MTF1: variants seen among roughly 807,000 people sequenced by gnomAD.
The protein encoded by MTF1 is MRE-binding transcription factor.
MTF1 carries 22 observed loss-of-function variants against 70.4 expected under a neutral mutation model. The observed-to-expected ratio is 0.31, with a 90% CI of 0.22 to 0.45. MTF1 has a LOEUF of 0.45. MTF1 is among the 20% of genes least tolerant of loss of function. MTF1 has a pLI of 1.00. For synonymous variants in MTF1, 333 were observed against 352.8 expected, an observed-to-expected ratio of 0.94 and a Z score of 0.63; for missense variants, 649 against 922.0, an observed-to-expected ratio of 0.70 and a Z score of 3.83.
chr1:37,839,908 G>A lies in MTF1; in HGVS notation c.647+12C>T. On this transcript the variant is annotated intron_variant, in intron 3 of 10. Coordinates refer to ENST00000373036, the MANE Select transcript of MTF1 (RefSeq NM_005955.3). ...GGTCAGAGGCTGGCAGAGCATTGGA[G>A]ACGAGACTGACCTGTACAGTGTGTT... 2 of 1,602,190 alleles carry A rather than the reference G, an allele frequency of 1.2e-6. No individual in the cohort carries two copies. Among genetic ancestry groups the A allele is most frequent in the South Asian group, 1.1e-5 (1 of 90,832 alleles).
At chr1:37,822,749 A>T (rs1221545344) in intron 8 of MTF1, 33 bp from the exon 9 acceptor site, 1 of 1,495,056 alleles carries the variant, frequency 6.7e-7, no homozygotes, top group Middle Eastern at 1.7e-4. Context: ...ATATATATAC[A>T]TATCCCAAGC....
chr1:37,815,595 T>A lies in MTF1; in HGVS notation c.1832-29A>T. 1.3e-6 allele frequency: 2 copies of A among 1,503,044 alleles called. No homozygotes were observed. The highest frequency in any genetic ancestry group is 1.4e-5 in the South Asian group (1 of 73,902). The allele number at this position is 1,503,044 out of a possible 1,614,324, so 93.1% of individuals were successfully genotyped here. On this transcript the variant is annotated intron_variant, in intron 10 of 10. Transcript: ENST00000373036. The surrounding 1 kb of genome is among the most constrained non-coding windows in gnomAD (Gnocchi z 4.5). ...CGAGAGAGGCAAGAGAGACTGCTCT[T>A]CAAGTAGCTGCAGGGGCAGGAGCAT...
Position 37,838,656 on chromosome 1 carries a change from T to G in MTF1, c.748A>C (p.Ile250Leu). 6.2e-7 allele frequency: 1 copy of G among 1,613,034 alleles called. No homozygotes were observed. Among genetic ancestry groups the G allele is most frequent in the Non-Finnish European group, 8.5e-7 (1 of 1,179,174 alleles). Residue 250 changes from isoleucine to leucine, a missense_variant, in exon 4 of 11, where the codon ATT becomes CTT. Physicochemically the swap from Ile to Leu is conservative, Grantham distance 5. Around this residue, in one of 7 missense-constraint regions of MTF1, gnomAD observed 118 missense variants for 287.2 expected, o/e 0.41. Coordinates refer to ENST00000373036, the MANE Select transcript of MTF1 (RefSeq NM_005955.3). ...FTTLSDLRKHIRTHTGEKPFR... is the reference protein window; with the variant it reads ...FTTLSDLRKHLRTHTGEKPFR... ...GGCTTTTCCCCTGTATGAGTTCGAA[T>G]GTGCTTCCTCAGATCACTGAGTGTG...
In MTF1 at chr1:37,815,150, TGCTGGTGAG is replaced by T; in HGVS notation, c.2239_2247del (p.Leu747_Ser749del). On this transcript the variant is annotated inframe_deletion, in exon 11 of 11. Coordinates refer to ENST00000373036, the MANE Select transcript of MTF1 (RefSeq NM_005955.3). This position sits in a 1 kb window ranked among gnomAD's most constrained non-coding sequence, Gnocchi z 4.5. ...ACATGGGCCCTTCACTTGGAGAAGC[TGCTGGTGAG>T]GCCCATCTCCTCCTCCCCCTGCAGT... 6.2e-7 allele frequency: 1 copy of T among 1,614,100 alleles called. No individual in the cohort carries two copies. The highest frequency in any genetic ancestry group is 8.5e-7 in the Non-Finnish European group (1 of 1,179,986).
chr1:37,823,668 G>A lies in MTF1; in HGVS notation c.1171+42C>T, dbSNP rs374237539. On this transcript the variant is annotated intron_variant, in intron 8 of 10. Transcript: ENST00000373036. ...ATTGTGCCTGTGACTCAGTGTGTCA[G>A]CAAGTGCTTAGATGTGAGTAGAAAG... 28 of 1,421,464 alleles carry A rather than the reference G, an allele frequency of 2.0e-5. No individual in the cohort carries two copies. The African/African-American group carries it at 3.8e-4, about 19-fold the overall frequency. 88.1% of individuals were successfully genotyped at this position (1,421,464 alleles called of 1,614,324 possible). A position where few individuals can be genotyped will look rare whatever the true frequency, so the allele number is the denominator to read the frequency against.
At chr1:37,819,486 G>C (rs773287532) in intron 9 of MTF1, among the ~76,000 whole-genome samples, 2 of 152,016 alleles carry the variant, frequency 1.3e-5, no homozygotes, top group Non-Finnish European at 2.9e-5. Flanking sequence ...CACCCTTTTC[G>C]CTCTAGTATA....
rs1431820058 is a variant in MTF1 at position 37,811,880 on chromosome 1, C to A, written c.*3256G>T. The stretch of plus-strand genomic sequence containing the variant: ...TCTGTCACCAAACTGGTGGTGCCCC[C>A]ATGAGACTGGCCAGACCCTGCCAGC... On this transcript the variant is annotated 3_prime_UTR_variant, in exon 11 of 11. Coordinates refer to ENST00000373036, the MANE Select transcript of MTF1 (RefSeq NM_005955.3). 1 of 152,702 alleles carries A rather than the reference C, an allele frequency of 6.5e-6. No homozygotes were observed. The highest frequency in any genetic ancestry group is 6.5e-5 in the Admixed American group (1 of 15,282). The allele number at this position is 152,702 out of a possible 1,614,324, so 9.5% of individuals were successfully genotyped here.
intron 2 of MTF1, among the ~76,000 whole-genome samples, chr1:37,856,713 T>C (rs1473412177): frequency 6.6e-6 from 1 of 151,512 alleles, no homozygotes; most frequent in Non-Finnish European, 1.5e-5. Flanking sequence ...TTGGCCAGGC[T>C]GCTCTCGAAC....
intron 8 of MTF1, 148 bp downstream of exon 8, chr1:37,823,562 A>G (rs961473137): frequency 1.9e-6 from 1 of 529,120 alleles, no homozygotes; most frequent in Non-Finnish European, 3.4e-6. Flanking sequence ...AGTAGGGGAA[A>G]AGATGGAATT....
At chr1:37,823,672 G>T in intron 8 of MTF1, 38 bp downstream of exon 8, 2 of 1,454,944 alleles carry the variant, frequency 1.4e-6, no homozygotes, top group Non-Finnish European at 1.9e-6. Context: ...GTGTCAGCAA[G>T]TGCTTAGATG....
intron 7 of MTF1, among the ~76,000 whole-genome samples, chr1:37,828,007 T>C (rs1470357193): frequency 6.6e-6 from 1 of 152,186 alleles, no homozygotes; most frequent in Non-Finnish European, 1.5e-5. Context: ...AATATTGGTA[T>C]ATTCATTTAG....
Position 37,823,695 on chromosome 1 carries a change from G to A in MTF1, c.1171+15C>T. 1.3e-6 allele frequency: 2 copies of A among 1,584,160 alleles called. No individual in the cohort carries two copies. The highest frequency in any genetic ancestry group is 1.7e-6 in the Non-Finnish European group (2 of 1,152,834). On this transcript the variant is annotated intron_variant, in intron 8 of 10. Coordinates refer to ENST00000373036, the MANE Select transcript of MTF1 (RefSeq NM_005955.3). ...AAGTGCTTAGATGTGAGTAGAAAGA[G>A]TCCGTGTGACAAACCTGTCTGTTGA... is the stretch of plus-strand genomic sequence containing the variant.
chr1:37,812,907 C>T lies in MTF1; in HGVS notation c.*2229G>A, dbSNP rs28411352. The T allele has an allele frequency of 0.23, 35,435 of 152,110 alleles. 4,255 individuals are homozygous for T. The highest frequency in any genetic ancestry group is 0.27 in the Admixed American group (4,095 of 15,282). 9.4% of individuals were successfully genotyped at this position (152,110 alleles called of 1,614,324 possible). A position where few individuals can be genotyped will look rare whatever the true frequency, so the allele number is the denominator to read the frequency against. ...TCCAGGAGGACTGGAAACCTCCTGC[C>T]TTATCAACTTCTGCTGAGGTCAATG... On this transcript the variant is annotated 3_prime_UTR_variant, in exon 11 of 11. Transcript: ENST00000373036.
rs1296083620 is a variant in MTF1, at chr1:37,814,722, A to T, written c.*414T>A. Reference sequence around the variant, plus strand: ...CAGATTCAAAAGACACATAGGAAGGAGCAACACCCAACACACTGAAAACTC... The same window carrying T: ...CAGATTCAAAAGACACATAGGAAGGTGCAACACCCAACACACTGAAAACTC... On this transcript the variant is annotated 3_prime_UTR_variant, in exon 11 of 11. Coordinates refer to ENST00000373036, the MANE Select transcript of MTF1 (RefSeq NM_005955.3). 1 of 182,430 alleles carries T rather than the reference A, an allele frequency of 5.5e-6. No individual in the cohort carries two copies. Among genetic ancestry groups the T allele is most frequent in the East Asian group, 1.5e-4 (1 of 6,568 alleles). The allele number at this position is 182,430 out of a possible 1,614,324, so 11.3% of individuals were successfully genotyped here.
chr1:37,835,465 G>C (rs535028081), intron 5 of MTF1, among the ~76,000 whole-genome samples: 8 of 152,064 alleles, frequency 5.3e-5, no homozygotes, highest in African/African-American at 1.4e-4. Flanking sequence ...TTTTTAGAGT[G>C]TCTCTGTATT....
intron 2 of MTF1, among the ~76,000 whole-genome samples, chr1:37,842,044 A>G (rs1641261247): frequency 6.6e-6 from 1 of 152,134 alleles, no homozygotes; most frequent in African/African-American, 2.4e-5. Context: ...AAAAAGAAAA[A>G]AAAGGGGGAA....
intron 10 of MTF1, among the ~76,000 whole-genome samples, chr1:37,816,861 A>G (rs960154188): frequency 3.3e-5 from 5 of 152,066 alleles, no homozygotes; most frequent in African/African-American, 4.8e-5. Flanking sequence ...CCTTGTCTCA[A>G]AAACAAAACA....
intron 2 of MTF1, among the ~76,000 whole-genome samples, chr1:37,849,509 G>C (rs1641382584): frequency 6.6e-6 from 1 of 152,028 alleles, no homozygotes; most frequent in African/African-American, 2.4e-5. Context: ...GGAATACTTT[G>C]GTGCATCATG....
rs921159681 is a variant in MTF1, at chr1:37,810,415, A to C, written c.*4721T>G. 3 of 152,234 alleles carry C rather than the reference A, an allele frequency of 2.0e-5. No individual in the cohort carries two copies. Among genetic ancestry groups the C allele is most frequent in the African/African-American group, 7.2e-5 (3 of 41,450 alleles). The allele number at this position is 152,234 out of a possible 1,614,324, so 9.4% of individuals were successfully genotyped here. A position where few individuals can be genotyped will look rare whatever the true frequency, so the allele number is the denominator to read the frequency against. ...AAAAGCTTGTACTATGTACACATTG[A>C]CATAAAGATCCAGTTTAATTTGCAT... On this transcript the variant is annotated 3_prime_UTR_variant, in exon 11 of 11. Coordinates refer to ENST00000373036, the MANE Select transcript of MTF1 (RefSeq NM_005955.3).
Sources: gnomAD v4.1 joint callset for allele counts (sites outside exome capture counted in the v4.1 genomes callset) on GRCh38, gnomAD v4.1.1 for gene constraint, gnomAD v4.1.1 regional missense constraint, Gnocchi (gnomAD v3.1) non-coding constraint, MANE v1.5 for transcripts, NCBI Gene and HGNC (gene_info 2026-07-23, HGNC 2026-07-21) for gene names.